The following POLK variants were observed in gnomAD, a reference collection of about 807,000 sequenced individuals.
The protein encoded by POLK is DNA polymerase kappa.
Under a neutral mutation model 94.0 loss-of-function variants are expected in POLK, and 76 were observed. The observed-to-expected ratio is 0.81, with a 90% CI of 0.67 to 0.98. The LOEUF (loss-of-function observed/expected upper bound fraction) is 0.98. Ranked by LOEUF, POLK falls within the 50% of genes least tolerant of loss-of-function variation. POLK has a pLI of 0.00. For synonymous variants in POLK, 349 were observed against 325.4 expected, an observed-to-expected ratio of 1.07 and a Z score of -0.78; for missense variants, 954 against 1,010.1, an observed-to-expected ratio of 0.94 and a Z score of 0.75.
At chr5:75,559,366 A>AT (rs1160320924) in intron 3 of POLK, among the ~76,000 whole-genome samples, 1 of 152,178 alleles carries the variant, frequency 6.6e-6, no homozygotes, top group Non-Finnish European at 1.5e-5. Context: ...AAGCACAGTC[A>AT]TTTTTGTAAC....
At chr5:75,602,963 G>A (rs1480503168), downstream of POLK, among the ~76,000 whole-genome samples, 1 of 152,138 alleles carries the variant, frequency 6.6e-6, no homozygotes, top group African/African-American at 2.4e-5. Flanking sequence ...CTGAAGAAGT[G>A]GCCTTCTAGA....
chr5:75,540,663 GT>G (rs1289023626), intron 1 of POLK, among the ~76,000 whole-genome samples: 3 of 152,086 alleles, frequency 2.0e-5, no homozygotes, highest in Non-Finnish European at 4.4e-5. Flanking sequence ...ACCAAAAAAG[GT>G]ACTACAGGAG....
At chr5:75,596,081 A>T (rs899619165) in intron 12 of POLK, 141 bp from the exon 13 acceptor site, 2 of 592,202 alleles carry the variant, frequency 3.4e-6, no homozygotes, top group Admixed American at 6.3e-5. Flanking sequence ...TGTACTTATA[A>T]TACCAGCTTT....
At chr5:75,529,386 CCTACCCCCAT>C (rs1769033216) in intron 1 of POLK, among the ~76,000 whole-genome samples, 1 of 116,788 alleles carries the variant, frequency 8.6e-6, no homozygotes, top group African/African-American at 3.0e-5. Context: ...TAGGTCATGA[CCTACCCCCAT>C]GACCCAAACA....
intron 1 of POLK, among the ~76,000 whole-genome samples, chr5:75,528,079 A>G (rs1279507597): frequency 1.3e-5 from 2 of 152,212 alleles, no homozygotes; most frequent in Non-Finnish European, 2.9e-5. Context: ...CAGACACATC[A>G]TGATGGCATG....
At chr5:75,525,801 A>C (rs1487697487) in intron 1 of POLK, among the ~76,000 whole-genome samples, 2 of 152,248 alleles carry the variant, frequency 1.3e-5, no homozygotes, top group Non-Finnish European at 2.9e-5. Context: ...ATATCTTTTG[A>C]GAATGAAGAT....
chr5:75,590,600 A>G, intron 11 of POLK, 160 bp downstream of exon 11: 4 of 578,546 alleles, frequency 6.9e-6, no homozygotes, highest in Middle Eastern at 4.6e-4. Context: ...TACAAATCCA[A>G]TTCTGACCCA....
chr5:75,563,539 TATAA>T (rs1771103700), intron 3 of POLK, among the ~76,000 whole-genome samples: 1 of 152,238 alleles, frequency 6.6e-6, no homozygotes, highest in Admixed American at 6.5e-5. Context: ...CATTTAGTGC[TATAA>T]ATTTACCTCT....
chr5:75,552,320 A>G (rs1770374006), intron 2 of POLK, 152 bp from the exon 3 acceptor site: 4 of 588,130 alleles, frequency 6.8e-6, no homozygotes, highest in Non-Finnish European at 8.7e-6. Context: ...AAGATTAAAT[A>G]ATTTTAGGGT....
At chr5:75,535,290 C>A (rs1440132021) in intron 1 of POLK, among the ~76,000 whole-genome samples, 3 of 152,198 alleles carry the variant, frequency 2.0e-5, no homozygotes, top group African/African-American at 7.2e-5. Context: ...TCCCCAATCT[C>A]TTCTGGCTAA....
intron 4 of POLK, 68 bp from the exon 5 acceptor site, chr5:75,573,670 T>C (rs1771718276): frequency 3.2e-6 from 4 of 1,235,772 alleles, no homozygotes; most frequent in South Asian, 1.2e-5. Flanking sequence ...GTGTTTCTTA[T>C]GAATGCATTG....
chr5:75,529,129 T>C (rs1332009419), intron 1 of POLK, among the ~76,000 whole-genome samples: 1 of 152,150 alleles, frequency 6.6e-6, no homozygotes, highest in Non-Finnish European at 1.5e-5. Flanking sequence ...AGAGATTTAT[T>C]TTGACTCATG....
At chr5:75,531,003 TTC>T (rs1181296090) in intron 1 of POLK, among the ~76,000 whole-genome samples, 2 of 151,714 alleles carry the variant, frequency 1.3e-5, no homozygotes, top group Admixed American at 6.6e-5. Flanking sequence ...GAGACGGAGT[TTC>T]ACCGTGTTAG....
chr5:75,593,329 A>C (rs542336519), intron 11 of POLK, among the ~76,000 whole-genome samples: 1 of 152,040 alleles, frequency 6.6e-6, no homozygotes, highest in South Asian at 2.1e-4. Context: ...ACAGGGTTTC[A>C]CCATGTTGGC....
chr5:75,531,791 CA>C (rs200411407), intron 1 of POLK, among the ~76,000 whole-genome samples: 38 of 141,386 alleles, frequency 2.7e-4, no homozygotes, highest in African/African-American at 4.2e-4. Context: ...GACTCTGTCT[CA>C]AAAAAAAAAA....
chr5:75,590,476 G>GT, intron 11 of POLK, 36 bp downstream of exon 11: 1 of 1,171,486 alleles, frequency 8.5e-7, no homozygotes. Flanking sequence ...TAGTTTTTAA[G>GT]TTTTTTAATA....
chr5:75,571,414 C>G (rs991400627), intron 4 of POLK, among the ~76,000 whole-genome samples: 8 of 152,162 alleles, frequency 5.3e-5, no homozygotes, highest in Non-Finnish European at 8.8e-5. Flanking sequence ...CAGCCTCCCC[C>G]AGTATTTAGT....
exon 7 of POLK, chr5:75,581,448 G>T: frequency 6.2e-7 from 1 of 1,612,820 alleles, no homozygotes; most frequent in Non-Finnish European, 8.5e-7. Flanking sequence ...AGCCAGTGCA[G>T]GTATTTAAAA....
intron 2 of POLK, among the ~76,000 whole-genome samples, chr5:75,548,537 G>C (rs4704228): frequency 2.0e-5 from 3 of 148,978 alleles, no homozygotes; most frequent in Non-Finnish European, 4.5e-5. Context: ...ATATATACAT[G>C]ATATATAATG....
Sources: allele counts gnomAD v4.1 joint callset (sites outside exome capture counted in the v4.1 genomes callset), GRCh38; gene constraint gnomAD v4.1.1; transcripts MANE v1.5; gene names NCBI Gene and HGNC (gene_info 2026-07-23, HGNC 2026-07-21).